The following TET3 variants were observed in gnomAD, a reference collection of about 807,000 sequenced individuals.
TET3 encodes the protein tet methylcytosine dioxygenase 3, also known as methylcytosine dioxygenase TET3.
A neutral mutation model predicts 141.4 loss-of-function variants in TET3; 19 were observed. The observed-to-expected ratio is 0.13, with a 90% confidence interval of 0.09 to 0.20. The LOEUF is 0.20. Among genes scored for constraint, TET3 ranks in the 10% least tolerant of loss-of-function variants. The probability of loss-of-function intolerance (pLI) is 1.00; values close to 1 mark genes in which losing one functional copy is unlikely to be tolerated. For synonymous variants in TET3, 1,043 were observed against 980.9 expected, an observed-to-expected ratio of 1.06 and a Z score of -1.18; for missense variants, 1,874 against 2,356.9, an observed-to-expected ratio of 0.80 and a Z score of 4.24.
At chr2:74,094,628 A>G (rs1690700531) in intron 10 of TET3, among the ~76,000 whole-genome samples, 1 of 152,112 alleles carries the variant, frequency 6.6e-6, no homozygotes, top group Non-Finnish European at 1.5e-5. Context: ...TGGGGCAGCC[A>G]TCCAGGCCAG....
At chr2:74,037,050 C>A (rs1406066885) in intron 3 of TET3, among the ~76,000 whole-genome samples, 2 of 152,204 alleles carry the variant, frequency 1.3e-5, no homozygotes, top group African/African-American at 4.8e-5. Context: ...ACGTATAATG[C>A]TCTCAAGAAG....
intron 4 of TET3, among the ~76,000 whole-genome samples, chr2:74,063,339 C>G (rs1016995133): frequency 3.3e-5 from 5 of 152,082 alleles, no homozygotes; most frequent in African/African-American, 1.2e-4. Context: ...TTATGTTTTC[C>G]CCTTTGTGTC....
chr2:73,987,570 C>T (rs1440045375), intron 2 of TET3, among the ~76,000 whole-genome samples: 5 of 152,172 alleles, frequency 3.3e-5, no homozygotes, highest in Non-Finnish European at 7.4e-5. Flanking sequence ...TAGGGCTGAG[C>T]GAAGTTGAGC....
chr2:74,124,735 T>C, the TET3 span, among the ~76,000 whole-genome samples: 21 of 152,160 alleles, frequency 1.4e-4, no homozygotes, highest in African/African-American at 4.3e-4. Flanking sequence ...AGCATGCTCG[T>C]TAAGAGTCAT....
intron 2 of TET3, among the ~76,000 whole-genome samples, chr2:73,991,264 G>A (rs1684307491): frequency 6.6e-6 from 1 of 151,984 alleles, no homozygotes; most frequent in Non-Finnish European, 1.5e-5. Flanking sequence ...ATGAAAATTA[G>A]CTGGAGGGAT....
At chr2:74,128,992 TAAAAAAAAAAA>T in the TET3 span, among the ~76,000 whole-genome samples, 1 of 77,924 alleles carries the variant, frequency 1.3e-5, no homozygotes, top group South Asian at 4.8e-4. Context: ...TGTCTCAATT[TAAAAAAAAAAA>T]AAAAAAAAAA....
chr2:74,118,649 G>C, the TET3 span, among the ~76,000 whole-genome samples: 1 of 151,948 alleles, frequency 6.6e-6, no homozygotes, highest in South Asian at 2.1e-4. Context: ...TTGTTCAAAA[G>C]TCACATTGTA....
At chr2:74,072,444 G>A (rs149990354) in intron 4 of TET3, among the ~76,000 whole-genome samples, 2,396 of 151,776 alleles carry the variant, frequency 0.016, 60 homozygotes, top group African/African-American at 0.054. Flanking sequence ...CCTGGGAGGC[G>A]GAGGTTGCAG....
rs1309208442 is a variant in TET3 at position 73,985,142 on chromosome 2, C to G, written c.-440C>G. On this transcript the variant is annotated 5_prime_UTR_variant, in exon 1 of 12. Coordinates refer to ENST00000409262, the MANE Select transcript of TET3 (RefSeq NM_001287491.2). ...CTTTGCCCCTTTGTGCGCTCCGCCC[C>G]GGAGGCGGCGGGCAGGTCGGTGCAG... The G allele has an allele frequency of 7.0e-6, 1 of 143,392 alleles. No individual in the cohort carries two copies. The highest frequency in any genetic ancestry group is 1.5e-5 in the Non-Finnish European group (1 of 64,912). 8.9% of individuals were successfully genotyped at this position (143,392 alleles called of 1,614,324 possible).
chr2:74,014,775 G>A (rs1432560520), intron 3 of TET3, among the ~76,000 whole-genome samples: 1 of 152,136 alleles, frequency 6.6e-6, no homozygotes, highest in Non-Finnish European at 1.5e-5. Flanking sequence ...TAGGCTGCAG[G>A]CTAAAGGCTT....
In TET3 at chr2:73,985,003, C is replaced by A. The variant is rs1489070741; in HGVS notation, c.-579C>A. Reference sequence around the variant, plus strand: ...TGCGCCGTCCCCTCCTCGGCCCGGGCGGGGGGCTCCGCGCGCTGAGCTCGG... The same window carrying A: ...TGCGCCGTCCCCTCCTCGGCCCGGGAGGGGGGCTCCGCGCGCTGAGCTCGG... On this transcript the variant is annotated 5_prime_UTR_variant, in exon 1 of 12. Coordinates refer to ENST00000409262, the MANE Select transcript of TET3 (RefSeq NM_001287491.2). 2 of 146,986 alleles carry A rather than the reference C, an allele frequency of 1.4e-5. No homozygotes were observed. Among genetic ancestry groups the A allele is most frequent in the African/African-American group, 2.5e-5 (1 of 40,626 alleles). The allele number at this position is 146,986 out of a possible 1,614,324, so 9.1% of individuals were successfully genotyped here.
intron 3 of TET3, among the ~76,000 whole-genome samples, chr2:74,014,553 A>AT (rs1044262051): frequency 1.6e-4 from 24 of 151,538 alleles, no homozygotes; most frequent in South Asian, 2.1e-4. Flanking sequence ...GACCTGTGGA[A>AT]TTTTTTTTTC....
upstream of TET3, among the ~76,000 whole-genome samples, chr2:73,984,356 G>A (rs531392531): frequency 6.6e-6 from 1 of 152,344 alleles, no homozygotes; most frequent in South Asian, 2.1e-4. This position sits in a 1 kb window ranked among gnomAD's most constrained non-coding sequence, Gnocchi z 5.6. Flanking sequence ...CTGCCCCCGA[G>A]CAACCCCTTC....
Position 74,047,590 on chromosome 2 carries a change from G to T in TET3, c.1673G>T (p.Gly558Val). 4 of 1,613,866 alleles carry T rather than the reference G, an allele frequency of 2.5e-6. No homozygotes were observed. The highest frequency in any genetic ancestry group is 2.2e-5 in the East Asian group (1 of 44,882). Reference protein sequence around the residue: ...FPAPSEPSAPGWWPPPSSPVP... With the variant: ...FPAPSEPSAPVWWPPPSSPVP... ...GCTCCTTCAGAGCCTTCTGCTCCTG[G>T]CTGGTGGCCCCCACCAAGTTCACCT... is the stretch of plus-strand genomic sequence containing the variant. The change falls in exon 4 of 12, where the codon GGC (glycine) becomes GTC (valine). Residue 558 changes from glycine to valine, a missense_variant. Physicochemically the swap from Gly to Val is moderately radical, Grantham distance 109. Transcript: ENST00000409262.
In TET3 at chr2:73,986,204, C is replaced by T. The variant is rs984412864; in HGVS notation, c.-200C>T. On this transcript the variant is annotated 5_prime_UTR_variant, in exon 2 of 12. The change creates a new upstream start codon in the 5' untranslated region. Transcript: ENST00000409262. ...CAGCAGGTGGGAGAGTGGCCCCCTA[C>T]GGAGTCCGATCAGACTGCTGCAGAG... 4.9e-6 allele frequency: 2 copies of T among 412,062 alleles called. No individual in the cohort carries two copies. The highest frequency in any genetic ancestry group is 4.1e-6 in the Non-Finnish European group (1 of 242,268). The allele number at this position is 412,062 out of a possible 1,614,324, so 25.5% of individuals were successfully genotyped here. A position where few individuals can be genotyped will look rare whatever the true frequency, so the allele number is the denominator to read the frequency against.
the TET3 span, chr2:74,134,796 C>G: frequency 4.4e-6 from 2 of 456,634 alleles, no homozygotes; most frequent in Non-Finnish European, 8.8e-6. Flanking sequence ...CCATGGACTC[C>G]AGAGAGAGCA....
chr2:74,008,808 A>G (rs977115578), intron 3 of TET3, among the ~76,000 whole-genome samples: 1 of 152,126 alleles, frequency 6.6e-6, no homozygotes, highest in African/African-American at 2.4e-5. Context: ...AATATTCCTT[A>G]AGAGGCAAAC....
the TET3 span, among the ~76,000 whole-genome samples, chr2:74,116,097 C>A: frequency 6.7e-6 from 1 of 150,202 alleles, no homozygotes; most frequent in Admixed American, 6.6e-5. Context: ...AAATGGCCAA[C>A]AAATATATGA....
At chr2:74,096,317 T>G (rs1017967190) in intron 10 of TET3, among the ~76,000 whole-genome samples, 2 of 152,168 alleles carry the variant, frequency 1.3e-5, no homozygotes, top group Admixed American at 1.3e-4. Context: ...ACAAGCTGGG[T>G]AGGGCATGAC....
Sources: allele counts gnomAD v4.1 joint callset (sites outside exome capture counted in the v4.1 genomes callset), GRCh38; gene constraint gnomAD v4.1.1; non-coding constraint Gnocchi (gnomAD v3.1); transcripts MANE v1.5; gene names NCBI Gene and HGNC (gene_info 2026-07-23, HGNC 2026-07-21).